The following LRMDA variants were observed in gnomAD, a reference collection of about 807,000 sequenced individuals.
LRMDA encodes leucine-rich melanocyte differentiation-associated protein.
A neutral mutation model predicts 29.8 loss-of-function variants in LRMDA; 18 were observed. The ratio of observed to expected loss-of-function variants is 0.60; its 90% CI spans 0.42 to 0.90. LRMDA has a LOEUF of 0.90. Among genes scored for constraint, LRMDA ranks in the 40% least tolerant of loss-of-function variants. The pLI is 0.00. For synonymous variants in LRMDA, 125 were observed against 109.4 expected, an observed-to-expected ratio of 1.14 and a Z score of -0.89; for missense variants, 273 against 273.9, an observed-to-expected ratio of 1.00 and a Z score of 0.02.
intron 5 of LRMDA, among the ~76,000 whole-genome samples, chr10:76,137,169 C>G (rs1311466728): frequency 8.5e-5 from 13 of 152,224 alleles, no homozygotes; most frequent in Non-Finnish European, 1.5e-4. Flanking sequence ...TCTGCCAAGC[C>G]TTCTTGGACA....
intron 5 of LRMDA, among the ~76,000 whole-genome samples, chr10:76,085,796 C>A (rs141983810): frequency 6.6e-6 from 1 of 152,286 alleles, no homozygotes; most frequent in African/African-American, 2.4e-5. Context: ...ACATAGCCAT[C>A]TTTTCTAGTG....
chr10:76,058,651 ACT>A lies in LRMDA; in HGVS notation c.399-12_399-11del. ...ACTCAAACTTCCTGAGTTGTCTCTG[ACT>A]CTTATCTTCCAGATGCTTTGTTCTG... On this transcript the variant is annotated splice_polypyrimidine_tract_variant and intron_variant, in intron 4 of 6. Coordinates refer to ENST00000611255, the MANE Select transcript of LRMDA (RefSeq NM_001305581.2). The A allele has an allele frequency of 6.2e-7, 1 of 1,602,422 alleles. No homozygotes were observed. The highest frequency in any genetic ancestry group is 8.6e-7 in the Non-Finnish European group (1 of 1,169,488).
At chr10:76,530,108 T>C (rs1843218327) in intron 6 of LRMDA, among the ~76,000 whole-genome samples, 1 of 152,048 alleles carries the variant, frequency 6.6e-6, no homozygotes, top group African/African-American at 2.4e-5. Flanking sequence ...ATGGATAGGC[T>C]CCCAAAACAG....
chr10:76,394,625 CA>C (rs1464334346), intron 6 of LRMDA, among the ~76,000 whole-genome samples: 1 of 152,038 alleles, frequency 6.6e-6, no homozygotes, highest in Non-Finnish European at 1.5e-5. Context: ...CAGTTGATTC[CA>C]TGAAAATACT....
At chr10:75,603,414 A>C (rs1222145485) in intron 2 of LRMDA, among the ~76,000 whole-genome samples, 1 of 152,174 alleles carries the variant, frequency 6.6e-6, no homozygotes, top group Non-Finnish European at 1.5e-5. Flanking sequence ...TTTCTAGTAG[A>C]AGTCTGAGTG....
chr10:76,207,370 C>T (rs995643545), intron 5 of LRMDA, among the ~76,000 whole-genome samples: 1 of 152,212 alleles, frequency 6.6e-6, no homozygotes, highest in Admixed American at 6.5e-5. Context: ...CCACAAGTCT[C>T]AGCTAGTTCA....
intron 2 of LRMDA, among the ~76,000 whole-genome samples, chr10:75,580,197 T>C (rs1224512491): frequency 6.6e-6 from 1 of 152,232 alleles, no homozygotes. Context: ...CAAAATCTCC[T>C]TAAGCTGATA....
At chr10:75,694,562 A>T (rs893918918) in intron 2 of LRMDA, among the ~76,000 whole-genome samples, 2 of 152,212 alleles carry the variant, frequency 1.3e-5, no homozygotes, top group African/African-American at 4.8e-5. Context: ...ACAGGAATTC[A>T]ATATGTATAT....
intron 5 of LRMDA, among the ~76,000 whole-genome samples, chr10:76,123,696 G>A (rs1245171377): frequency 6.6e-6 from 1 of 152,208 alleles, no homozygotes; most frequent in Non-Finnish European, 1.5e-5. Context: ...AATCTGTGAA[G>A]GAATTCTTTC....
At chr10:75,823,950 C>T (rs781153658) in intron 2 of LRMDA, among the ~76,000 whole-genome samples, 1 of 151,976 alleles carries the variant, frequency 6.6e-6, no homozygotes, top group African/African-American at 2.4e-5. Context: ...GGGTACACAT[C>T]GACATACAGA....
At chr10:75,614,853 G>A (rs1485092928) in intron 2 of LRMDA, among the ~76,000 whole-genome samples, 1 of 151,962 alleles carries the variant, frequency 6.6e-6, no homozygotes, top group East Asian at 1.9e-4. Flanking sequence ...ACACCAGCAA[G>A]ATAGGAGGCA....
intron 6 of LRMDA, among the ~76,000 whole-genome samples, chr10:76,469,778 T>G (rs2132315681): frequency 6.6e-6 from 1 of 152,048 alleles, no homozygotes; most frequent in South Asian, 2.1e-4. Context: ...AGCTAAGAAC[T>G]CTCCTGGGTT....
chr10:75,579,048 C>T (rs917017249), intron 2 of LRMDA, among the ~76,000 whole-genome samples: 22 of 151,950 alleles, frequency 1.4e-4, no homozygotes, highest in Admixed American at 6.6e-4. Flanking sequence ...TAGCAGAAGG[C>T]AAGAAATAAC....
chr10:75,952,073 C>T (rs951232797), intron 2 of LRMDA, among the ~76,000 whole-genome samples: 1 of 152,096 alleles, frequency 6.6e-6, no homozygotes, highest in Non-Finnish European at 1.5e-5. Flanking sequence ...GGAGTCACCC[C>T]GGGGGAAGTG....
At chr10:76,226,401 A>G (rs911959060) in intron 5 of LRMDA, among the ~76,000 whole-genome samples, 2 of 151,754 alleles carry the variant, frequency 1.3e-5, no homozygotes, top group African/African-American at 4.8e-5. Context: ...TGGCCAACAC[A>G]GTGAAACTCC....
intron 4 of LRMDA, among the ~76,000 whole-genome samples, chr10:76,049,280 C>T (rs139629473): frequency 1.6e-3 from 239 of 152,246 alleles, no homozygotes; most frequent in African/African-American, 5.7e-3. Context: ...GACAAAGTTG[C>T]CATGAGAGGC....
At chr10:76,271,168 G>A (rs915182844) in intron 5 of LRMDA, among the ~76,000 whole-genome samples, 1 of 152,162 alleles carries the variant, frequency 6.6e-6, no homozygotes, top group African/African-American at 2.4e-5. Flanking sequence ...AGTACTTTGG[G>A]AGGCCGAGGT....
chr10:75,757,590 A>G (rs1311132809), intron 2 of LRMDA, among the ~76,000 whole-genome samples: 1 of 152,054 alleles, frequency 6.6e-6, no homozygotes, highest in Non-Finnish European at 1.5e-5. Context: ...TGTCTTGACC[A>G]CTTTTCCGTC....
rs58554883 is a variant in LRMDA at position 76,261,064 on chromosome 10, C to CTTTTTTTTTTTTT, written c.517-63331_517-63319dup. 2.6e-3 allele frequency among the ~76,000 whole-genome samples: 300 copies of CTTTTTTTTTTTTT among 117,616 alleles called. 2 individuals carry two copies. Among genetic ancestry groups the CTTTTTTTTTTTTT allele is most frequent in the Non-Finnish European group, 3.1e-3 (186 of 59,638 alleles). The allele number at this position is 117,616 out of a possible 152,430, so 77.2% of individuals were successfully genotyped here. ...GATTGACTTGCGTTTCTTTTCTTTT[C>CTTTTTTTTTTTTT]TTTTTTTTTTTTTTTTTTGAGACGG... On this transcript the variant is annotated intron_variant, in intron 5 of 6. Coordinates refer to ENST00000611255, the MANE Select transcript of LRMDA (RefSeq NM_001305581.2).
Sources: allele counts gnomAD v4.1 joint callset (sites outside exome capture counted in the v4.1 genomes callset), GRCh38; gene constraint gnomAD v4.1.1; transcripts MANE v1.5; gene names NCBI Gene and HGNC (gene_info 2026-07-23, HGNC 2026-07-21).